Variants in TRAF3IP3 observed in about 807,000 individuals in gnomAD.
The protein encoded by TRAF3IP3 is TRAF3 interacting protein 3, also known as TRAF3-interacting JNK-activating modulator.
In TRAF3IP3, 64 loss-of-function variants were observed where a neutral mutation model predicts 86.5. The ratio of observed to expected loss-of-function variants is 0.74; its 90% CI spans 0.60 to 0.91. TRAF3IP3 has a LOEUF of 0.91. TRAF3IP3 is among the 40% of genes least tolerant of loss of function. TRAF3IP3 has a pLI of 0.00. For synonymous variants in TRAF3IP3, 220 were observed against 243.9 expected (o/e 0.90, Z 0.91); for missense variants, 579 against 642.9 (o/e 0.90, Z 1.07).
chr1:209,780,754 G>C, intron 15 of TRAF3IP3, 148 bp downstream of exon 15: 1 of 654,414 alleles, frequency 1.5e-6, no homozygotes, highest in Non-Finnish European at 2.2e-6. Flanking sequence ...CTGTGCTTTT[G>C]GGCTGACTTG....
At chr1:209,766,706 A>G (rs2077363675) in intron 8 of TRAF3IP3, among the ~76,000 whole-genome samples, 1 of 152,196 alleles carries the variant, frequency 6.6e-6, no homozygotes, top group African/African-American at 2.4e-5. Flanking sequence ...TCTACTAAAG[A>G]TACAAAAATT....
At chr1:209,763,967 G>A (rs1274061800) in intron 8 of TRAF3IP3, among the ~76,000 whole-genome samples, 6 of 152,190 alleles carry the variant, frequency 3.9e-5, no homozygotes, top group Admixed American at 3.9e-4. Flanking sequence ...AGCATGCCAT[G>A]TACCCACTCA....
intron 9 of TRAF3IP3, 86 bp from the exon 10 acceptor site, chr1:209,775,263 C>A: frequency 2.2e-6 from 3 of 1,369,738 alleles, no homozygotes; most frequent in East Asian, 2.5e-5. Flanking sequence ...GGGGAAGAAC[C>A]AACTTCTTTT....
rs201137265 is a variant in TRAF3IP3 at position 209,761,320 on chromosome 1, G to A, written c.345+936G>A. Among the ~76,000 whole-genome samples the A allele has an allele frequency of 2.0e-4, 30 of 152,312 alleles. No individual in the cohort carries two copies. The East Asian group carries it at 5.2e-3, about 26-fold the overall frequency. ...CTTCTAAGATTGTGTAACCCTTAGA[G>A]GGCCCATTAGTCTGGCCTGGAAAGG... On this transcript the variant is annotated intron_variant, in intron 3 of 16. Transcript: ENST00000367025.
At chr1:209,764,159 C>A (rs1290228973) in intron 8 of TRAF3IP3, among the ~76,000 whole-genome samples, 1 of 152,102 alleles carries the variant, frequency 6.6e-6, no homozygotes, top group African/African-American at 2.4e-5. Flanking sequence ...ATTCAATGTA[C>A]AATATTCATA....
Position 209,760,082 on chromosome 1 carries a change from T to A in TRAF3IP3, c.43T>A (p.Trp15Arg), listed in dbSNP as rs1177317366. ...CAGGCCCTCCCCTGGCTTGGCCCGG[T>A]GGGCTGAGAGCTATGAGGCCAAGTG... is the stretch of plus-strand genomic sequence containing the variant. Reference protein sequence around the residue: ...DPRPSPGLARWAESYEAKCER... With the variant: ...DPRPSPGLARRAESYEAKCER... Residue 15 changes from tryptophan (W) to arginine (R), a missense_variant, in exon 3 of 17, where the codon TGG becomes AGG. Coordinates refer to ENST00000367025, the MANE Select transcript of TRAF3IP3 (RefSeq NM_025228.4). 6.2e-7 allele frequency: 1 copy of A among 1,613,670 alleles called. No homozygotes were observed. Among genetic ancestry groups the A allele is most frequent in the African/African-American group, 1.3e-5 (1 of 74,900 alleles).
intron 8 of TRAF3IP3, chr1:209,768,530 C>T: frequency 3.0e-6 from 3 of 985,562 alleles, no homozygotes; most frequent in Non-Finnish European, 3.6e-6. Flanking sequence ...CCTAAGCAAC[C>T]TCTACTAGAG....
chr1:209,771,039 TG>T (rs2102477936), intron 8 of TRAF3IP3, among the ~76,000 whole-genome samples: 1 of 97,324 alleles, frequency 1.0e-5, no homozygotes, highest in East Asian at 3.6e-4. Context: ...TGTGCTCAGG[TG>T]GAAGTGTGCG....
chr1:209,767,830 G>C (rs928570689), intron 8 of TRAF3IP3, among the ~76,000 whole-genome samples: 5 of 152,030 alleles, frequency 3.3e-5, no homozygotes, highest in African/African-American at 1.2e-4. Context: ...GTGGGAATGA[G>C]GGGGGATATA....
intron 16 of TRAF3IP3, chr1:209,781,743 C>T (rs533544428): frequency 1.4e-5 from 7 of 483,934 alleles, no homozygotes; most frequent in African/African-American, 9.7e-5. Context: ...GTGGCAAGAA[C>T]AGAAGGACAC....
chr1:209,780,500 C>T lies in TRAF3IP3; in HGVS notation c.1343C>T (p.Ser448Phe). Residue 448 changes from serine (S) to phenylalanine (F), a missense_variant, in exon 15 of 17, where the codon TCC (serine) becomes TTC (phenylalanine). By Grantham distance (155) the Ser-to-Phe change is radical. Coordinates refer to ENST00000367025, the MANE Select transcript of TRAF3IP3 (RefSeq NM_025228.4). ...DQALPVWSPKSFPNEVEPEGT... is the reference protein window; with the variant it reads ...DQALPVWSPKFFPNEVEPEGT... ...GCTTTGCCCGTGTGGAGTCCAAAGT[C>T]CTTCCCTAACGAAGTGGAGCCTGAG... The T allele has an allele frequency of 6.2e-7, 1 of 1,600,280 alleles. No homozygotes were observed. The highest frequency in any genetic ancestry group is 8.5e-7 in the Non-Finnish European group (1 of 1,172,980).
At chr1:209,777,609 C>A in intron 12 of TRAF3IP3, 122 bp downstream of exon 12, 1 of 1,058,816 alleles carries the variant, frequency 9.4e-7, no homozygotes, top group Non-Finnish European at 1.3e-6. Flanking sequence ...GGTTGATTGG[C>A]TTTATAATCT....
rs372947260 is a variant in TRAF3IP3, at chr1:209,765,588, G to A, written c.702+2001G>A. ...AGGCTAAGGCAGGAGAATCTCTTAC[G>A]TCCCAGGGGTGGAGGTTGCAGTGAG... On this transcript the variant is annotated intron_variant, in intron 8 of 16. Coordinates refer to ENST00000367025, the MANE Select transcript of TRAF3IP3 (RefSeq NM_025228.4). Among the ~76,000 whole-genome samples the A allele has an allele frequency of 9.2e-5, 14 of 152,178 alleles. No homozygotes were observed. In the South Asian group the frequency reaches 1.7e-3, roughly 18 times the overall value.
At chr1:209,770,700 GGT>G (rs529448372) in intron 8 of TRAF3IP3, among the ~76,000 whole-genome samples, 284 of 140,754 alleles carry the variant, frequency 2.0e-3, no homozygotes, top group Non-Finnish European at 3.3e-3. Context: ...TGCATGTGGA[GGT>G]GTGTGTGTGC....
At chr1:209,772,521 C>T (rs1319504016) in intron 8 of TRAF3IP3, among the ~76,000 whole-genome samples, 1 of 152,086 alleles carries the variant, frequency 6.6e-6, no homozygotes, top group African/African-American at 2.4e-5. Context: ...TAAACATTCT[C>T]CCGGGAGGGG....
Position 209,759,141 on chromosome 1 carries a change from A to G in TRAF3IP3, c.-59+7A>G, listed in dbSNP as rs2077202089. The G allele has an allele frequency of 6.6e-6, 1 of 152,256 alleles. No individual in the cohort carries two copies. Among genetic ancestry groups the G allele is most frequent in the South Asian group, 2.1e-4 (1 of 4,836 alleles). 9.4% of individuals were successfully genotyped at this position (152,256 alleles called of 1,614,324 possible). On this transcript the variant is annotated splice_region_variant and intron_variant, in intron 2 of 16. Coordinates refer to ENST00000367025, the MANE Select transcript of TRAF3IP3 (RefSeq NM_025228.4). ...CCAACATTAACCCTGACAGGTTGGT[A>G]ATCCTAAAGAAATGGAACCCTCAGC...
intron 8 of TRAF3IP3, among the ~76,000 whole-genome samples, chr1:209,771,757 G>A (rs1464024300): frequency 1.9e-5 from 2 of 106,282 alleles, no homozygotes; most frequent in East Asian, 5.4e-4. Flanking sequence ...GTGCGCGCAT[G>A]TGAAGGTGTG....
At chr1:209,771,029 T>C (rs1313092494) in intron 8 of TRAF3IP3, among the ~76,000 whole-genome samples, 2 of 137,914 alleles carry the variant, frequency 1.5e-5, no homozygotes, top group South Asian at 2.4e-4. Flanking sequence ...GATGTGTGTG[T>C]GTGCTCAGGT....
intron 8 of TRAF3IP3, chr1:209,768,543 G>A: frequency 2.0e-6 from 2 of 985,628 alleles, no homozygotes; most frequent in Non-Finnish European, 2.4e-6. Flanking sequence ...TACTAGAGCA[G>A]AGAGATGAGC....
Sources: allele counts gnomAD v4.1 joint callset (sites outside exome capture counted in the v4.1 genomes callset), GRCh38; gene constraint gnomAD v4.1.1; transcripts MANE v1.5; gene names NCBI Gene and HGNC (gene_info 2026-07-23, HGNC 2026-07-21).